NAALADL2: variants seen among roughly 807,000 people sequenced by gnomAD.
NAALADL2 encodes the protein N-acetylated alpha-linked acidic dipeptidase like 2.
In NAALADL2, 76 loss-of-function variants were observed where a neutral mutation model predicts 87.2. That is an observed-to-expected ratio of 0.87 (90% CI 0.72 to 1.05). NAALADL2 has a LOEUF of 1.05. Ranked by LOEUF, NAALADL2 falls within the 50% of genes least tolerant of loss-of-function variation. NAALADL2 has a pLI of 0.00. For missense variants in NAALADL2, 1,089 were observed against 945.8 expected (o/e 1.15, Z -1.99); for synonymous variants, 354 against 331.0 (o/e 1.07, Z -0.75).
chr3:175,513,971 G>A (rs1225742510), intron 9 of NAALADL2, among the ~76,000 whole-genome samples: 1 of 152,162 alleles, frequency 6.6e-6, no homozygotes, highest in East Asian at 1.9e-4. Context: ...TGTGAGCAGT[G>A]AATCAACCAC....
At chr3:175,673,241 T>C (rs529075627) in intron 11 of NAALADL2, among the ~76,000 whole-genome samples, 2 of 152,318 alleles carry the variant, frequency 1.3e-5, no homozygotes, top group South Asian at 4.1e-4. Flanking sequence ...TAAACAGTTT[T>C]ACAGCATCTT....
intron 4 of NAALADL2, among the ~76,000 whole-genome samples, chr3:175,302,600 T>C (rs576500625): frequency 3.9e-5 from 6 of 152,292 alleles, no homozygotes; most frequent in African/African-American, 1.2e-4. Context: ...ATATATTAAA[T>C]ATGCTGTATT....
intron 2 of NAALADL2, among the ~76,000 whole-genome samples, chr3:174,621,267 T>C (rs1039351665): frequency 1.3e-5 from 2 of 152,086 alleles, no homozygotes; most frequent in Non-Finnish European, 2.9e-5. Context: ...TATGTGATGC[T>C]AAGAGGATTT....
At chr3:174,669,211 A>G (rs1036876246) in intron 2 of NAALADL2, among the ~76,000 whole-genome samples, 4 of 152,114 alleles carry the variant, frequency 2.6e-5, no homozygotes, top group African/African-American at 9.7e-5. Flanking sequence ...GGCTGCATAA[A>G]TGTCTTCTTT....
intron 5 of NAALADL2, among the ~76,000 whole-genome samples, chr3:175,343,004 A>G (rs1208064904): frequency 6.6e-6 from 1 of 152,126 alleles, no homozygotes. Context: ...AAAAGTTTAA[A>G]AACACATTTT....
chr3:175,756,002 T>G (rs2150135347), intron 13 of NAALADL2, among the ~76,000 whole-genome samples: 1 of 152,292 alleles, frequency 6.6e-6, no homozygotes, highest in East Asian at 1.9e-4. Flanking sequence ...GAGTACAGTA[T>G]GGTTTTGTTT....
chr3:174,449,910 A>T (rs765156939), intron 1 of NAALADL2, among the ~76,000 whole-genome samples: 5 of 152,000 alleles, frequency 3.3e-5, no homozygotes, highest in Non-Finnish European at 7.4e-5. Flanking sequence ...TATTGTAATG[A>T]TATTTAAACA....
chr3:175,407,074 C>T (rs1472211200), intron 5 of NAALADL2, among the ~76,000 whole-genome samples: 1 of 152,002 alleles, frequency 6.6e-6, no homozygotes, highest in African/African-American at 2.4e-5. Context: ...ATCCCAACTA[C>T]TTGTGAGGCT....
chr3:175,495,190 G>T (rs1421149891), intron 9 of NAALADL2, among the ~76,000 whole-genome samples: 1 of 151,344 alleles, frequency 6.6e-6, no homozygotes, highest in Non-Finnish European at 1.5e-5. Flanking sequence ...GAATTCTTAA[G>T]TGTCCAAACA....
chr3:175,011,997 T>C (rs773260104), intron 1 of NAALADL2, among the ~76,000 whole-genome samples: 2 of 152,088 alleles, frequency 1.3e-5, no homozygotes, highest in Non-Finnish European at 2.9e-5. Context: ...ACCTAATCTT[T>C]AGGAAAAGCA....
At chr3:174,853,147 C>T (rs56251936) in intron 3 of NAALADL2, among the ~76,000 whole-genome samples, 14,328 of 136,728 alleles carry the variant, frequency 0.1, 785 homozygotes, top group Middle Eastern at 0.17. Context: ...GGGCAGATCA[C>T]GAGGTCAGGA....
At chr3:174,802,743 T>C (rs188506769) in intron 3 of NAALADL2, among the ~76,000 whole-genome samples, 1 of 152,316 alleles carries the variant, frequency 6.6e-6, no homozygotes, top group East Asian at 1.9e-4. Flanking sequence ...TTTTGTTTTC[T>C]GTCCTTGTGA....
chr3:175,128,922 C>T (rs1057264999), intron 2 of NAALADL2, among the ~76,000 whole-genome samples: 1 of 151,510 alleles, frequency 6.6e-6, no homozygotes, highest in Admixed American at 6.6e-5. Flanking sequence ...GTACTAGTTA[C>T]CAATTTTTTT....
At chr3:175,052,397 C>T (rs1006798058) in intron 1 of NAALADL2, among the ~76,000 whole-genome samples, 2 of 152,140 alleles carry the variant, frequency 1.3e-5, no homozygotes, top group Non-Finnish European at 2.9e-5. Context: ...GCCTGTTTCC[C>T]AACATGTTCT....
At chr3:175,633,442 C>G (rs182601999) in intron 11 of NAALADL2, among the ~76,000 whole-genome samples, 3 of 152,098 alleles carry the variant, frequency 2.0e-5, no homozygotes, top group Admixed American at 1.3e-4. Context: ...AAACAAAATA[C>G]TGTAGCTACA....
chr3:174,580,891 T>C (rs1545382), intron 2 of NAALADL2, among the ~76,000 whole-genome samples: 78,104 of 151,920 alleles, frequency 0.51, 22,515 homozygotes, highest in East Asian at 0.82. Context: ...TATATTTTGA[T>C]TTTTTAAGGA....
chr3:175,013,301 A>ATATATATATTTTTT (rs1553916905), intron 1 of NAALADL2, among the ~76,000 whole-genome samples: 1 of 72,066 alleles, frequency 1.4e-5, no homozygotes, highest in Non-Finnish European at 2.4e-5. Context: ...ATATATATAT[A>ATATATATATTTTTT]TTTTTTTTTT....
At chr3:174,932,447 C>T (rs997308807) in intron 1 of NAALADL2, among the ~76,000 whole-genome samples, 3 of 151,958 alleles carry the variant, frequency 2.0e-5, no homozygotes, top group African/African-American at 2.4e-5. Flanking sequence ...TATGTCTTTC[C>T]GGGTATAGGA....
At chr3:175,581,518 A>G (rs1465172344) in intron 10 of NAALADL2, among the ~76,000 whole-genome samples, 2 of 152,206 alleles carry the variant, frequency 1.3e-5, no homozygotes, top group East Asian at 1.9e-4. Flanking sequence ...CTTTTGTAAT[A>G]TGTTGTTTTA....
Sources: gnomAD v4.1 joint callset for allele counts (sites outside exome capture counted in the v4.1 genomes callset) on GRCh38, gnomAD v4.1.1 for gene constraint, MANE v1.5 for transcripts, NCBI Gene and HGNC (gene_info 2026-07-23, HGNC 2026-07-21) for gene names.